The following SOX5 variants were observed in gnomAD, a reference collection of about 807,000 sequenced individuals.
SOX5 encodes the protein transcription factor SOX-5.
In SOX5, 9 loss-of-function variants were observed where a neutral mutation model predicts 92.0. That is an observed-to-expected ratio of 0.10 (90% CI 0.06 to 0.17). SOX5 has a LOEUF of 0.17. Ranked by LOEUF, SOX5 falls within the 10% of genes least tolerant of loss-of-function variation. The pLI, the probability that SOX5 is intolerant of heterozygous loss-of-function variation, is 1.00. For synonymous variants in SOX5, 344 were observed against 336.3 expected (o/e 1.02, Z -0.25); for missense variants, 642 against 944.5 (o/e 0.68, Z 4.20).
intron 8 of SOX5, among the ~76,000 whole-genome samples, chr12:23,623,740 A>G (rs943019145): frequency 6.6e-6 from 1 of 152,150 alleles, no homozygotes; most frequent in Non-Finnish European, 1.5e-5. Flanking sequence ...GAAAACCCAA[A>G]TCACAATTAG....
chr12:23,973,894 C>T (rs1948628034), intron 4 of SOX5, among the ~76,000 whole-genome samples: 1 of 152,188 alleles, frequency 6.6e-6, no homozygotes, highest in South Asian at 2.1e-4. Context: ...CTAACTAATG[C>T]TTGATAATCC....
At chr12:24,400,133 G>C (rs906117065) in intron 1 of SOX5, among the ~76,000 whole-genome samples, 2 of 152,150 alleles carry the variant, frequency 1.3e-5, no homozygotes, top group African/African-American at 4.8e-5. Context: ...AGTTTTAATA[G>C]ACTTCTCAAG....
chr12:23,743,558 C>T (rs1343000734), intron 4 of SOX5, among the ~76,000 whole-genome samples: 1 of 152,142 alleles, frequency 6.6e-6, no homozygotes, highest in Non-Finnish European at 1.5e-5. Context: ...GATCCTCCCG[C>T]CTCAGCCTCT....
intron 2 of SOX5, among the ~76,000 whole-genome samples, chr12:24,353,449 G>A (rs1339140327): frequency 6.6e-6 from 1 of 152,182 alleles, no homozygotes; most frequent in Non-Finnish European, 1.5e-5. Context: ...TTCAACCTCA[G>A]AGGAGTACAG....
At chr12:24,350,348 G>A (rs1377477198) in intron 2 of SOX5, among the ~76,000 whole-genome samples, 5 of 152,094 alleles carry the variant, frequency 3.3e-5, no homozygotes, top group Admixed American at 2.6e-4. Flanking sequence ...TTGAGACAGG[G>A]TATTACTCTG....
chr12:24,527,248 G>A (rs1025423138), intron 1 of SOX5, among the ~76,000 whole-genome samples: 1 of 152,148 alleles, frequency 6.6e-6, no homozygotes, highest in East Asian at 1.9e-4. Flanking sequence ...TAGCTACTGG[G>A]AGAGTTTAAC....
At chr12:24,127,280 A>G (rs1031427302) in intron 4 of SOX5, among the ~76,000 whole-genome samples, 1 of 151,660 alleles carries the variant, frequency 6.6e-6, no homozygotes, top group African/African-American at 2.4e-5. Context: ...AGTCCCAGCT[A>G]CTGAGGAGGC....
At chr12:24,510,414 T>A (rs1460088762) in intron 1 of SOX5, among the ~76,000 whole-genome samples, 1 of 152,224 alleles carries the variant, frequency 6.6e-6, no homozygotes, top group South Asian at 2.1e-4. Context: ...GGTTCCAATT[T>A]TCAAATTTTT....
chr12:23,597,679 G>T (rs1198279847), intron 9 of SOX5, among the ~76,000 whole-genome samples: 1 of 152,196 alleles, frequency 6.6e-6, no homozygotes, highest in Non-Finnish European at 1.5e-5. Flanking sequence ...ACTCTATGGG[G>T]TGATTCTTCT....
intron 3 of SOX5, among the ~76,000 whole-genome samples, chr12:23,777,370 A>G (rs570840764): frequency 6.6e-6 from 1 of 152,222 alleles, no homozygotes; most frequent in Non-Finnish European, 1.5e-5. Context: ...CTAATTAAAT[A>G]TATTAAGACA....
At chr12:24,332,246 G>A (rs984276623) in intron 2 of SOX5, among the ~76,000 whole-genome samples, 4 of 152,142 alleles carry the variant, frequency 2.6e-5, no homozygotes, top group Non-Finnish European at 2.9e-5. Context: ...TTACCTCAAA[G>A]GAACATGAAT....
intron 2 of SOX5, among the ~76,000 whole-genome samples, chr12:23,876,929 G>A (rs1467356354): frequency 2.6e-5 from 4 of 152,114 alleles, no homozygotes; most frequent in Non-Finnish European, 5.9e-5. Flanking sequence ...TCACTCATAA[G>A]TGGGAATTGA....
intron 10 of SOX5, among the ~76,000 whole-genome samples, chr12:23,570,812 G>A (rs1382436135): frequency 2.0e-5 from 3 of 149,052 alleles, no homozygotes; most frequent in East Asian, 2.0e-4. Context: ...TCTGGAGGCT[G>A]AGACAGGGGA....
intron 6 of SOX5, among the ~76,000 whole-genome samples, chr12:23,683,762 T>A (rs533116048): frequency 6.6e-6 from 1 of 152,164 alleles, no homozygotes; most frequent in Non-Finnish European, 1.5e-5. Context: ...TGACATTTTG[T>A]ATGCATCTGC....
intron 3 of SOX5, among the ~76,000 whole-genome samples, chr12:23,772,365 A>G (rs1331751774): frequency 1.3e-5 from 2 of 152,212 alleles, no homozygotes; most frequent in African/African-American, 4.8e-5. Context: ...ATGATATCCA[A>G]TGGATTATAT....
At chr12:24,078,209 AAC>A (rs966372434) in intron 4 of SOX5, among the ~76,000 whole-genome samples, 14 of 152,054 alleles carry the variant, frequency 9.2e-5, no homozygotes, top group Admixed American at 9.2e-4. Context: ...TATTTTTAAA[AAC>A]AGTTTTAAAA....
chr12:23,573,364 T>G (rs1293235530), intron 10 of SOX5, among the ~76,000 whole-genome samples: 1 of 152,222 alleles, frequency 6.6e-6, no homozygotes, highest in East Asian at 1.9e-4. Flanking sequence ...AAAACTTCTC[T>G]GTCAGTCTAC....
At chr12:24,503,251 G>A (rs1948399307) in intron 1 of SOX5, among the ~76,000 whole-genome samples, 1 of 152,066 alleles carries the variant, frequency 6.6e-6, no homozygotes, top group Admixed American at 6.5e-5. Flanking sequence ...CATTTTTTTA[G>A]CCAGGCATCA....
In SOX5 at chr12:23,612,358, A is replaced by G. The variant is rs911462630; in HGVS notation, c.1018-7825T>C. Among the ~76,000 whole-genome samples the G allele has an allele frequency of 5.3e-5, 8 of 152,058 alleles. No homozygotes were observed. The East Asian group carries it at 9.6e-4, about 18-fold the overall frequency. Reference sequence around the variant, plus strand: ...TGTGACCAATGAGATTGTTTAGTTCACCCCAAGAGTTTAAGTAGGCATAAG... The same window carrying G: ...TGTGACCAATGAGATTGTTTAGTTCGCCCCAAGAGTTTAAGTAGGCATAAG... On this transcript the variant is annotated intron_variant, in intron 8 of 14. Transcript: ENST00000451604.
Sources: gnomAD v4.1 joint callset for allele counts (sites outside exome capture counted in the v4.1 genomes callset) on GRCh38, gnomAD v4.1.1 for gene constraint, MANE v1.5 for transcripts, NCBI Gene and HGNC (gene_info 2026-07-23, HGNC 2026-07-21) for gene names.